The following PI3 variants were observed in gnomAD, a reference collection of about 807,000 sequenced individuals.
The protein encoded by PI3 is elafin.
Under a neutral mutation model 6.0 loss-of-function variants are expected in PI3, and 4 were observed. The observed-to-expected ratio is 0.67, with a 90% CI of 0.33 to 1.54. The LOEUF is 1.54. Among genes scored for constraint, PI3 ranks in the 40% most tolerant of loss-of-function variants. The pLI is 0.06. For missense variants in PI3, 149 were observed against 147.6 expected (o/e 1.01, Z -0.05); for synonymous variants, 58 against 56.9 (o/e 1.02, Z -0.09).
intron 1 of PI3, among the ~76,000 whole-genome samples, chr20:45,175,543 C>T (rs1359786322): frequency 6.6e-6 from 1 of 152,204 alleles, no homozygotes; most frequent in African/African-American, 2.4e-5. Flanking sequence ...TTTCCTACTC[C>T]AATGCACTTC....
rs570096735 is a variant in PI3 at position 45,176,052 on chromosome 20, C to T, written c.271C>T (p.Arg91Cys). 1.4e-5 allele frequency: 23 copies of T among 1,614,008 alleles called. No homozygotes were observed. Among genetic ancestry groups the T allele is most frequent in the African/African-American group, 4.0e-5 (3 of 74,902 alleles). Residue 91 changes from arginine (R) to cysteine (C), a missense_variant, in exon 2 of 3, where the codon CGC becomes TGC. By Grantham distance (180) the Arg-to-Cys change is radical. Transcript: ENST00000243924. ...GTGCGCCATGTTGAATCCCCCTAAC[C>T]GCTGCTTGAAAGATACTGACTGCCC... ...IRCAMLNPPN[R>C]CLKDTDCPGI... is the part of the protein sequence containing the mutation.
intron 2 of PI3, 89 bp downstream of exon 2, chr20:45,176,225 G>A (rs1982792263): frequency 2.3e-6 from 3 of 1,322,536 alleles, no homozygotes; most frequent in Non-Finnish European, 2.1e-6. Context: ...TGGGAGGGAG[G>A]TTGTGGGAGG....
In PI3 at chr20:45,176,145, T is replaced by C. The variant is rs1172483476; in HGVS notation, c.*1+9T>C. On this transcript the variant is annotated intron_variant, in intron 2 of 2. Coordinates refer to ENST00000243924, the MANE Select transcript of PI3 (RefSeq NM_002638.4). ...TTTCGTTCCCCAGTGAGGTGAGCAC[T>C]AGCTGGAGAACGAGGAGACCCCTGA... 5.0e-6 allele frequency: 8 copies of C among 1,613,402 alleles called. No homozygotes were observed. The highest frequency in any genetic ancestry group is 6.8e-6 in the Non-Finnish European group (8 of 1,179,630).
In PI3 at chr20:45,175,932, G is replaced by C. The variant is rs1337733112; in HGVS notation, c.151G>C (p.Val51Leu). 1 of 1,614,206 alleles carries C rather than the reference G, an allele frequency of 6.2e-7. No homozygotes were observed. The highest frequency in any genetic ancestry group is 8.5e-7 in the Non-Finnish European group (1 of 1,180,030). ...TGGACAAGATCCCGTTAAAGGACAAGTTTCAGTTAAAGGTCAAGATAAAGT... is the reference window on the plus strand; with the variant it reads ...TGGACAAGATCCCGTTAAAGGACAACTTTCAGTTAAAGGTCAAGATAAAGT... The part of the protein sequence containing the change: ...FNGQDPVKGQ[V>L]SVKGQDKVKA... Residue 51 changes from valine (V) to leucine (L), a missense_variant, in exon 2 of 3, where the codon GTT becomes CTT. Transcript: ENST00000243924.
Position 45,175,858 on chromosome 20 carries a change from C to G in PI3, c.80-3C>G, listed in dbSNP as rs878995969. 6.2e-7 allele frequency: 1 copy of G among 1,613,850 alleles called. No homozygotes were observed. The highest frequency in any genetic ancestry group is 8.5e-7 in the Non-Finnish European group (1 of 1,179,876). On this transcript the variant is annotated splice_region_variant and splice_polypyrimidine_tract_variant and intron_variant, in intron 1 of 2. Transcript: ENST00000243924. ...AATGTGGGCTCGTTTCTTCTTTTAA[C>G]AGTTCCTGTTAAAGGTCAAGACACT...
Position 45,175,737 on chromosome 20 carries a change from A to G in PI3, c.80-124A>G, listed in dbSNP as rs536825572. 125 of 993,162 alleles carry G rather than the reference A, an allele frequency of 1.3e-4. No individual in the cohort carries two copies. The South Asian group carries it at 1.6e-3, about 13-fold the overall frequency. The allele number at this position is 993,162 out of a possible 1,614,324, so 61.5% of individuals were successfully genotyped here. A position where few individuals can be genotyped will look rare whatever the true frequency, so the allele number is the denominator to read the frequency against. The stretch of plus-strand genomic sequence containing the variant: ...TAGCTCCCAGAGGTGTACCTTCCCT[A>G]CTCAGGCCATGGTTTGAGGATGCTG... On this transcript the variant is annotated intron_variant, in intron 1 of 2. Coordinates refer to ENST00000243924, the MANE Select transcript of PI3 (RefSeq NM_002638.4).
chr20:45,176,308 C>T (rs1350846260), intron 2 of PI3, 62 bp from the exon 3 acceptor site: 2 of 630,102 alleles, frequency 3.2e-6, no homozygotes, highest in African/African-American at 1.8e-5. Flanking sequence ...ATCTGTCTTC[C>T]TCACTGCCTC....
In PI3 at chr20:45,176,387, T is replaced by A; in HGVS notation, c.*19T>A. The stretch of plus-strand genomic sequence containing the variant: ...TTCCACAGAGGGAGCCGGTCCTTGC[T>A]GCACCTGTGCCGTCCCCAGAGCTAC... On this transcript the variant is annotated 3_prime_UTR_variant, in exon 3 of 3. Coordinates refer to ENST00000243924, the MANE Select transcript of PI3 (RefSeq NM_002638.4). The A allele has an allele frequency of 5.5e-6, 3 of 542,730 alleles. No individual in the cohort carries two copies. The highest frequency in any genetic ancestry group is 9.9e-6 in the Non-Finnish European group (3 of 302,256). 33.6% of individuals were successfully genotyped at this position (542,730 alleles called of 1,614,324 possible).
chr20:45,175,945 G>C lies in PI3; in HGVS notation c.164G>C (p.Gly55Ala). ...DPVKGQVSVK[G>A]QDKVKAQEPV... ...GTTAAAGGACAAGTTTCAGTTAAAG[G>C]TCAAGATAAAGTCAAAGCGCAAGAG... Residue 55 changes from glycine (G) to alanine (A), a missense_variant, in exon 2 of 3, where the codon GGT (glycine) becomes GCT (alanine). Gly to Ala is a moderately conservative substitution (Grantham distance 60, BLOSUM62 0). Coordinates refer to ENST00000243924, the MANE Select transcript of PI3 (RefSeq NM_002638.4). 6.2e-7 allele frequency: 1 copy of C among 1,614,178 alleles called. No individual in the cohort carries two copies. Among genetic ancestry groups the C allele is most frequent in the African/African-American group, 1.3e-5 (1 of 75,050 alleles).
chr20:45,175,769 G>A (rs1718363968), intron 1 of PI3, 92 bp from the exon 2 acceptor site: 1 of 1,311,526 alleles, frequency 7.6e-7, no homozygotes. Context: ...GCTGCAGTAA[G>A]CAGTGGATGG....
rs1293206090 is a variant in PI3 at position 45,175,970 on chromosome 20, G to C, written c.189G>C (p.Glu63Asp). ...GTCAAGATAAAGTCAAAGCGCAAGA[G>C]CCAGTCAAAGGTCCAGTCTCCACTA... ...VKGQDKVKAQ[E>D]PVKGPVSTKP... is the part of the protein sequence containing the mutation. Residue 63 changes from glutamate to aspartate, a missense_variant, in exon 2 of 3, where the codon GAG (glutamate) becomes GAC (aspartate). By Grantham distance (45) the Glu-to-Asp change is conservative (BLOSUM62 2). Coordinates refer to ENST00000243924, the MANE Select transcript of PI3 (RefSeq NM_002638.4). 6.2e-7 allele frequency: 1 copy of C among 1,614,170 alleles called. No individual in the cohort carries two copies. The highest frequency in any genetic ancestry group is 1.7e-5 in the Admixed American group (1 of 60,028).
At position 45,176,105 on chromosome 20, in the gene PI3, T is replaced by C. The variant is rs1029241821; in HGVS notation, c.324T>C (p.Ser108=). Residue 108 remains serine, a synonymous_variant, in exon 2 of 3, where the codon TCT becomes TCC. Transcript: ENST00000243924. ...CPGIKKCCEG[S]CGMACFVPQ ...GAATCAAGAAGTGCTGTGAAGGCTC[T>C]TGCGGGATGGCCTGTTTCGTTCCCC... The C allele has an allele frequency of 6.2e-7, 1 of 1,614,152 alleles. No homozygotes were observed. The highest frequency in any genetic ancestry group is 8.5e-7 in the Non-Finnish European group (1 of 1,180,000).
rs1052787788 is a variant in PI3, at chr20:45,176,413, A to T, written c.*45A>T. The T allele has an allele frequency of 2.0e-6, 1 of 487,988 alleles. No individual in the cohort carries two copies. Among genetic ancestry groups the T allele is most frequent in the Non-Finnish European group, 3.7e-6 (1 of 269,122 alleles). 30.2% of individuals were successfully genotyped at this position (487,988 alleles called of 1,614,324 possible). On this transcript the variant is annotated 3_prime_UTR_variant, in exon 3 of 3. Transcript: ENST00000243924. ...GCACCTGTGCCGTCCCCAGAGCTAC[A>T]GGCCCCATCTGGTCCTAAGTCCCTG... is the stretch of plus-strand genomic sequence containing the variant.
chr20:45,175,049 C>A (rs753084047), intron 1 of PI3, 48 bp downstream of exon 1: 26 of 1,471,154 alleles, frequency 1.8e-5, no homozygotes, highest in Non-Finnish European at 2.3e-5. Context: ...AAGGGGAGAC[C>A]CTCTGGGACA....
Position 45,174,972 on chromosome 20 carries a change from C to T in PI3, c.50C>T (p.Thr17Met), listed in dbSNP as rs17333103. 271,573 of 1,612,016 alleles carry T rather than the reference C, an allele frequency of 0.17. 24,254 individuals carry two copies. The highest frequency in any genetic ancestry group is 0.2 in the Middle Eastern group (1,231 of 6,052). The change falls in exon 1 of 3, where the codon ACG becomes ATG. Residue 17 changes from threonine (T) to methionine (M), a missense_variant. Coordinates refer to ENST00000243924, the MANE Select transcript of PI3 (RefSeq NM_002638.4). ...LIVVVFLIAGTLVLEAAVTGV... is the reference protein window; with the variant it reads ...LIVVVFLIAGMLVLEAAVTGV... ...GTGGTGGTGTTCCTCATCGCTGGGACGCTGGTTCTAGAGGCAGCTGTCACG... is the reference window on the plus strand; with the variant it reads ...GTGGTGGTGTTCCTCATCGCTGGGATGCTGGTTCTAGAGGCAGCTGTCACG...
chr20:45,174,946 C>T lies in PI3; in HGVS notation c.24C>T (p.Ile8=), dbSNP rs912430823. The change falls in exon 1 of 3, where the codon ATC becomes ATT. Residue 8 remains isoleucine, a synonymous_variant. Transcript: ENST00000243924. MRASSFL[I]VVVFLIAGTL... is the part of the protein sequence containing the mutation. ...CCATGAGGGCCAGCAGCTTCTTGATCGTGGTGGTGTTCCTCATCGCTGGGA... is the reference window on the plus strand; with the variant it reads ...CCATGAGGGCCAGCAGCTTCTTGATTGTGGTGGTGTTCCTCATCGCTGGGA... The T allele has an allele frequency of 9.9e-6, 16 of 1,613,116 alleles. No individual in the cohort carries two copies. The Admixed American group carries it at 1.0e-4, about 10-fold the overall frequency.
In PI3 at chr20:45,176,529, A is replaced by G. The variant is rs1011415300; in HGVS notation, c.*161A>G. 2.9e-5 allele frequency: 6 copies of G among 209,618 alleles called. No homozygotes were observed. Among genetic ancestry groups the G allele is most frequent in the African/African-American group, 1.4e-4 (6 of 43,206 alleles). 13.0% of individuals were successfully genotyped at this position (209,618 alleles called of 1,614,324 possible). A position where few individuals can be genotyped will look rare whatever the true frequency, so the allele number is the denominator to read the frequency against. ...CTCTCTCATCCACTTTCCAATAAAG[A>G]GTTCCTTCTGCTCCACTTGTTTCTG... On this transcript the variant is annotated 3_prime_UTR_variant, in exon 3 of 3. Transcript: ENST00000243924.
intron 1 of PI3, 81 bp from the exon 2 acceptor site, chr20:45,175,780 A>G: frequency 2.0e-6 from 3 of 1,470,754 alleles, no homozygotes; most frequent in Non-Finnish European, 2.8e-6. Flanking sequence ...CAGTGGATGG[A>G]CCCAGACCCA....
chr20:45,176,526 A>C lies in PI3; in HGVS notation c.*158A>C. The stretch of plus-strand genomic sequence containing the variant: ...TGCCTCTCTCATCCACTTTCCAATA[A>C]AGAGTTCCTTCTGCTCCACTTGTTT... On this transcript the variant is annotated 3_prime_UTR_variant, in exon 3 of 3. Transcript: ENST00000243924. The C allele has an allele frequency of 4.7e-6, 1 of 210,916 alleles. No homozygotes were observed. Among genetic ancestry groups the C allele is most frequent in the Non-Finnish European group, 9.7e-6 (1 of 103,616 alleles). 13.1% of individuals were successfully genotyped at this position (210,916 alleles called of 1,614,324 possible).
Sources: allele counts gnomAD v4.1 joint callset (sites outside exome capture counted in the v4.1 genomes callset), GRCh38; gene constraint gnomAD v4.1.1; transcripts MANE v1.5; gene names NCBI Gene and HGNC (gene_info 2026-07-23, HGNC 2026-07-21).